The following KDM4B variants were observed in gnomAD, a reference collection of about 807,000 sequenced individuals.
The protein encoded by KDM4B is lysine-specific demethylase 4B.
Under a neutral mutation model 125.2 loss-of-function variants are expected in KDM4B, and 32 were observed. The observed-to-expected ratio is 0.26, with a 90% CI of 0.19 to 0.34. KDM4B has a LOEUF of 0.34. Ranked by LOEUF, KDM4B falls within the 10% of genes least tolerant of loss-of-function variation. The pLI is 1.00. For missense variants in KDM4B, 1,190 were observed against 1,577.7 expected, an observed-to-expected ratio of 0.75 and a Z score of 4.16; for synonymous variants, 721 against 677.9, an observed-to-expected ratio of 1.06 and a Z score of -0.99.
intron 2 of KDM4B, among the ~76,000 whole-genome samples, chr19:5,019,448 G>GGA (rs2036009290): frequency 6.7e-6 from 1 of 149,138 alleles, no homozygotes; most frequent in East Asian, 2.1e-4. Context: ...GTGTTGGTGT[G>GGA]CGTGTTGGTG....
intron 9 of KDM4B, among the ~76,000 whole-genome samples, chr19:5,095,228 CA>C (rs1431824485): frequency 2.0e-5 from 3 of 152,320 alleles, no homozygotes; most frequent in African/African-American, 4.8e-5. Flanking sequence ...GTTCCTGGAT[CA>C]GGGGGCTGGG....
In KDM4B at chr19:5,031,031, G is replaced by A. The variant is rs117206466; in HGVS notation, c.-25-1835G>A. ...CGTGGCTACTGGCCCAGCTCAGGCCGGCACTGAGGGTCCCACAGTGGTCCA... is the reference window on the plus strand; with the variant it reads ...CGTGGCTACTGGCCCAGCTCAGGCCAGCACTGAGGGTCCCACAGTGGTCCA... On this transcript the variant is annotated intron_variant, in intron 2 of 22. Coordinates refer to ENST00000159111, the MANE Select transcript of KDM4B (RefSeq NM_015015.3). Among the ~76,000 whole-genome samples the A allele has an allele frequency of 8.1e-3, 1,238 of 152,326 alleles. 7 individuals carry two copies. Among genetic ancestry groups the A allele is most frequent in the South Asian group, 0.019 (94 of 4,826 alleles).
chr19:5,081,273 CG>C lies in KDM4B; in HGVS notation c.781-1090del, dbSNP rs1410190062. Among the ~76,000 whole-genome samples the C allele has an allele frequency of 6.6e-6, 1 of 152,176 alleles. No individual in the cohort carries two copies. Among genetic ancestry groups the C allele is most frequent in the East Asian group, 1.9e-4 (1 of 5,196 alleles). On this transcript the variant is annotated intron_variant, in intron 8 of 22. Coordinates refer to ENST00000159111, the MANE Select transcript of KDM4B (RefSeq NM_015015.3). This position sits in a 1 kb window ranked among gnomAD's most constrained non-coding sequence, Gnocchi z 4.2. ...TCCTAGAAGCCCTTGGCCTGAGCCCCGGGGTGCAGCAGGTGGGAGCCATCAC... is the reference window on the plus strand; with the variant it reads ...TCCTAGAAGCCCTTGGCCTGAGCCCCGGGTGCAGCAGGTGGGAGCCATCAC...
intron 6 of KDM4B, among the ~76,000 whole-genome samples, chr19:5,067,045 G>T (rs1315188335): frequency 1.3e-5 from 2 of 152,160 alleles, no homozygotes; most frequent in Non-Finnish European, 2.9e-5. Context: ...TCCAGGCAAG[G>T]CCAGGGGCCT....
intron 6 of KDM4B, among the ~76,000 whole-genome samples, chr19:5,064,995 C>T (rs2145794004): frequency 6.6e-6 from 1 of 152,346 alleles, no homozygotes; most frequent in South Asian, 2.1e-4. Context: ...ATATTGGACC[C>T]CCACCTCCTC....
chr19:5,001,246 C>T (rs1599386828), intron 1 of KDM4B, among the ~76,000 whole-genome samples: 1 of 152,102 alleles, frequency 6.6e-6, no homozygotes, highest in East Asian at 1.9e-4. Context: ...CTATGTTGCC[C>T]AGGCTGGTCT....
chr19:5,103,369 G>T (rs111759372), intron 9 of KDM4B, among the ~76,000 whole-genome samples: 106 of 152,326 alleles, frequency 7.0e-4, no homozygotes, highest in Non-Finnish European at 1.0e-3. Context: ...TCTGCGTCGG[G>T]TCCCGCTCTG....
At chr19:5,022,582 C>T (rs2036156826) in intron 2 of KDM4B, among the ~76,000 whole-genome samples, 2 of 152,204 alleles carry the variant, frequency 1.3e-5, no homozygotes, top group African/African-American at 4.8e-5. Context: ...CCCACTTCCA[C>T]CTGCCTCACT....
At chr19:5,038,194 G>T (rs2036690369) in intron 3 of KDM4B, among the ~76,000 whole-genome samples, 1 of 152,254 alleles carries the variant, frequency 6.6e-6, no homozygotes, top group African/African-American at 2.4e-5. Flanking sequence ...CGTGGGGCCT[G>T]CAGTGCCCAC....
At chr19:4,981,464 C>T (rs1458573915) in intron 1 of KDM4B, among the ~76,000 whole-genome samples, 1 of 152,184 alleles carries the variant, frequency 6.6e-6, no homozygotes, top group Non-Finnish European at 1.5e-5. Flanking sequence ...TGGGTCACTT[C>T]CCTTTCCTGG....
chr19:5,040,883 C>T (rs1250291964), intron 4 of KDM4B, among the ~76,000 whole-genome samples: 1 of 152,216 alleles, frequency 6.6e-6, no homozygotes, highest in Non-Finnish European at 1.5e-5. Context: ...CTCCCCCTGG[C>T]GTGTGTTCTG....
intron 7 of KDM4B, among the ~76,000 whole-genome samples, chr19:5,071,932 T>C (rs996017969): frequency 6.6e-6 from 1 of 152,184 alleles, no homozygotes. Flanking sequence ...CTCCTCCGCA[T>C]TGGCAGGTGG....
At chr19:5,148,271 TC>T (rs2039886311) in intron 21 of KDM4B, among the ~76,000 whole-genome samples, 1 of 152,204 alleles carries the variant, frequency 6.6e-6, no homozygotes, top group African/African-American at 2.4e-5. Context: ...GAAAGCACGT[TC>T]CAGGGAGGCC....
At chr19:5,016,963 T>C (rs892987321) in intron 2 of KDM4B, among the ~76,000 whole-genome samples, 2 of 152,082 alleles carry the variant, frequency 1.3e-5, no homozygotes, top group African/African-American at 4.8e-5. Context: ...GGTGACCCAG[T>C]GGAGGGTGTC....
intron 21 of KDM4B, among the ~76,000 whole-genome samples, chr19:5,146,751 A>ACCC (rs775578381): frequency 3.7e-4 from 12 of 32,004 alleles, no homozygotes; most frequent in East Asian, 1.1e-3. Flanking sequence ...ACAAAGTGAG[A>ACCC]CCCCCCCCCC....
intron 11 of KDM4B, among the ~76,000 whole-genome samples, chr19:5,124,422 TG>T (rs1568312244): frequency 6.6e-6 from 1 of 152,094 alleles, no homozygotes; most frequent in Non-Finnish European, 1.5e-5. Flanking sequence ...GAGTCTGTCC[TG>T]GGTTCTCAGT....
chr19:5,069,968 G>A (rs1342105657), intron 6 of KDM4B, among the ~76,000 whole-genome samples: 2 of 152,152 alleles, frequency 1.3e-5, no homozygotes, highest in Non-Finnish European at 2.9e-5. Context: ...TGGAGCAGGG[G>A]CCGTCTCCCA....
chr19:5,151,430 G>A lies in KDM4B; in HGVS notation c.3210G>A (p.Glu1070=). The A allele has an allele frequency of 6.4e-7, 1 of 1,568,646 alleles. No individual in the cohort carries two copies. The highest frequency in any genetic ancestry group is 8.6e-7 in the Non-Finnish European group (1 of 1,160,280). The change falls in exon 23 of 23, where the codon GAG becomes GAA. Residue 1070 remains glutamate, a synonymous_variant. Transcript: ENST00000159111. The stretch of plus-strand genomic sequence containing the variant: ...GTGTGGGCACCCCGCTTGCCACGGA[G>A]GACTCCGGGCGGAGCCAGGACTACG... ...RPRVGTPLAT[E]DSGRSQDYVA...
intron 7 of KDM4B, among the ~76,000 whole-genome samples, chr19:5,071,580 G>C (rs1281014112): frequency 6.6e-6 from 1 of 152,214 alleles, no homozygotes; most frequent in Non-Finnish European, 1.5e-5. Flanking sequence ...CCACCAGCTC[G>C]CGTTCATGTG....
Sources: allele counts gnomAD v4.1 joint callset (sites outside exome capture counted in the v4.1 genomes callset), GRCh38; gene constraint gnomAD v4.1.1; non-coding constraint Gnocchi (gnomAD v3.1); transcripts MANE v1.5; gene names NCBI Gene and HGNC (gene_info 2026-07-23, HGNC 2026-07-21).